Variants in RBFOX1 observed in about 807,000 individuals in gnomAD.
RBFOX1 encodes RNA binding fox-1 homolog 1.
In RBFOX1, 8 loss-of-function variants were observed where a neutral mutation model predicts 57.7. The observed-to-expected ratio is 0.14, with a 90% CI of 0.08 to 0.25. The LOEUF (loss-of-function observed/expected upper bound fraction) is 0.25, where lower values mean the gene tolerates loss of function less well. Ranked by LOEUF, RBFOX1 falls within the 10% of genes least tolerant of loss-of-function variation. The pLI, the probability that RBFOX1 is intolerant of heterozygous loss-of-function variation, is 1.00. For synonymous variants in RBFOX1, 326 were observed against 222.4 expected, an observed-to-expected ratio of 1.47 and a Z score of -4.15; for missense variants, 611 against 548.5, an observed-to-expected ratio of 1.11 and a Z score of -1.14.
intron 2 of RBFOX1, among the ~76,000 whole-genome samples, chr16:6,532,406 G>C (rs1001947247): frequency 1.3e-5 from 2 of 152,158 alleles, no homozygotes; most frequent in East Asian, 3.9e-4. Context: ...CTCCACTCCA[G>C]GGTGGCCCTC....
chr16:7,097,323 C>CAG (rs201053173), intron 4 of RBFOX1, among the ~76,000 whole-genome samples: 3 of 151,330 alleles, frequency 2.0e-5, no homozygotes, highest in Non-Finnish European at 4.4e-5. Context: ...GGAGTATGGT[C>CAG]AGAGAGAGAG....
At chr16:5,831,599 C>T (rs1050924270) in intron 3 of RBFOX1, among the ~76,000 whole-genome samples, 10 of 151,864 alleles carry the variant, frequency 6.6e-5, no homozygotes, top group Non-Finnish European at 1.5e-5. Context: ...AAGCAATTCT[C>T]CTGCTGTAGT....
intron 9 of RBFOX1, among the ~76,000 whole-genome samples, chr16:7,601,528 C>A (rs186123192): frequency 6.6e-6 from 1 of 152,150 alleles, no homozygotes; most frequent in African/African-American, 2.4e-5. Context: ...CAGGTAAAAT[C>A]AGCAAACAGA....
intron 4 of RBFOX1, among the ~76,000 whole-genome samples, chr16:7,157,672 C>T (rs2077430276): frequency 6.6e-6 from 1 of 152,130 alleles, no homozygotes; most frequent in Non-Finnish European, 1.5e-5. Flanking sequence ...AGTATCTCTA[C>T]ACGCCATAGC....
downstream of RBFOX1, among the ~76,000 whole-genome samples, chr16:5,604,243 C>T (rs761052427): frequency 2.6e-5 from 4 of 152,192 alleles, no homozygotes; most frequent in Non-Finnish European, 5.9e-5. Context: ...TGGCTTCAAA[C>T]AACACCTGTC....
chr16:7,650,093 T>C (rs2064680248), intron 11 of RBFOX1, among the ~76,000 whole-genome samples: 2 of 144,096 alleles, frequency 1.4e-5, no homozygotes, highest in Non-Finnish European at 3.1e-5. Context: ...GGAGAAGGAA[T>C]AAAAAAGGAG....
At chr16:7,205,252 T>G (rs1396283511) in intron 4 of RBFOX1, among the ~76,000 whole-genome samples, 1 of 152,014 alleles carries the variant, frequency 6.6e-6, no homozygotes, top group Non-Finnish European at 1.5e-5. Flanking sequence ...GCGTGGCGGC[T>G]CACACCTGTA....
chr16:7,102,852 G>C (rs1416225317), intron 4 of RBFOX1, among the ~76,000 whole-genome samples: 1 of 152,028 alleles, frequency 6.6e-6, no homozygotes, highest in Non-Finnish European at 1.5e-5. Flanking sequence ...AATTTCAAAA[G>C]AATTTTTCAA....
intron 5 of RBFOX1, among the ~76,000 whole-genome samples, chr16:7,529,871 T>A (rs1321164598): frequency 2.0e-5 from 3 of 151,992 alleles, no homozygotes; most frequent in East Asian, 1.9e-4. Flanking sequence ...TAGCCAGGCA[T>A]GGTGGCGGGC....
chr16:6,071,571 A>T (rs1199350894), intron 1 of RBFOX1, among the ~76,000 whole-genome samples: 1 of 152,232 alleles, frequency 6.6e-6, no homozygotes, highest in African/African-American at 2.4e-5. Flanking sequence ...ATCAACCAAG[A>T]TAGCTGCAAA....
intron 4 of RBFOX1, among the ~76,000 whole-genome samples, chr16:7,394,418 C>CT (rs1473363728): frequency 7.9e-5 from 12 of 152,048 alleles, no homozygotes; most frequent in Admixed American, 7.9e-4. Flanking sequence ...GAATCTCTTG[C>CT]TTACCTCCCC....
chr16:5,531,362 C>A (rs954654643), intron 2 of RBFOX1, among the ~76,000 whole-genome samples: 4 of 152,086 alleles, frequency 2.6e-5, no homozygotes, highest in Admixed American at 1.3e-4. Context: ...GTTTTGATTA[C>A]CGTTTGTCCA....
chr16:7,399,818 C>T (rs1597455152), intron 4 of RBFOX1, among the ~76,000 whole-genome samples: 1 of 152,214 alleles, frequency 6.6e-6, no homozygotes, highest in East Asian at 1.9e-4. Context: ...AAGACTTAGA[C>T]ATACCTGTTG....
chr16:5,397,066 G>T (rs186184789), intron 1 of RBFOX1, among the ~76,000 whole-genome samples: 90 of 152,318 alleles, frequency 5.9e-4, no homozygotes, highest in African/African-American at 2.1e-3. Context: ...CTGGGGAAGA[G>T]CATGTGGAAA....
chr16:6,870,262 T>G (rs2060638048), intron 3 of RBFOX1, among the ~76,000 whole-genome samples: 1 of 152,070 alleles, frequency 6.6e-6, no homozygotes, highest in Admixed American at 6.6e-5. Context: ...GAGAGAGCAT[T>G]CCCTTTGGTC....
At chr16:5,313,003 C>T (rs1363313558) in intron 1 of RBFOX1, among the ~76,000 whole-genome samples, 1 of 152,082 alleles carries the variant, frequency 6.6e-6, no homozygotes, top group East Asian at 1.9e-4. Flanking sequence ...TTTCCAGGCA[C>T]ACCACTGAGA....
At chr16:5,954,917 CA>C (rs2059592867) in intron 4 of RBFOX1, among the ~76,000 whole-genome samples, 1 of 151,716 alleles carries the variant, frequency 6.6e-6, no homozygotes, top group African/African-American at 2.4e-5. Context: ...TCTAAGTGAA[CA>C]GCACCATTCA....
intron 4 of RBFOX1, among the ~76,000 whole-genome samples, chr16:7,339,543 G>A (rs1224641717): frequency 1.3e-5 from 2 of 152,116 alleles, no homozygotes; most frequent in Admixed American, 1.3e-4. Context: ...AAGTTCAAGT[G>A]ATTCTCCTGC....
At chr16:6,146,151 A>C (rs1226056300) in intron 1 of RBFOX1, among the ~76,000 whole-genome samples, 2 of 152,130 alleles carry the variant, frequency 1.3e-5, no homozygotes, top group Admixed American at 1.3e-4. Flanking sequence ...AACAGCAAAC[A>C]TTTGTTGAAT....
Sources: gnomAD v4.1 joint callset for allele counts (sites outside exome capture counted in the v4.1 genomes callset) on GRCh38, gnomAD v4.1.1 for gene constraint, MANE v1.5 for transcripts, NCBI Gene and HGNC (gene_info 2026-07-23, HGNC 2026-07-21) for gene names.